ZNF596: variants seen among roughly 807,000 people sequenced by gnomAD.
The protein encoded by ZNF596 is zinc finger protein 596.
In ZNF596, 45 loss-of-function variants were observed where a neutral mutation model predicts 48.3. That is an observed-to-expected ratio of 0.93 (90% confidence interval 0.73 to 1.19). ZNF596 has a LOEUF of 1.19. Ranked by LOEUF, ZNF596 falls within the 50% of genes most tolerant of loss-of-function variation. The pLI is 0.00. For synonymous variants in ZNF596, 270 were observed against 202.0 expected (o/e 1.34, Z -2.85); for missense variants, 848 against 599.7 (o/e 1.41, Z -4.32).
chr8:244,486 T>G, intron 4 of ZNF596, 133 bp from the exon 5 acceptor site: 3 of 680,788 alleles, frequency 4.4e-6, no homozygotes, highest in Non-Finnish European at 7.8e-6. Flanking sequence ...CTCTTCTCCT[T>G]AAAGTATGGT....
intron 1 of ZNF596, chr8:233,075 C>T (rs1796480493): frequency 2.2e-6 from 1 of 462,984 alleles, no homozygotes; most frequent in Non-Finnish European, 4.4e-6. Flanking sequence ...GAGGAGAAAA[C>T]AGAGGAGGGA....
Position 246,256 on chromosome 8 carries a change from C to T in ZNF596, c.1409C>T (p.Thr470Ile). 2 of 1,613,002 alleles carry T rather than the reference C, an allele frequency of 1.2e-6. No homozygotes were observed. Among genetic ancestry groups the T allele is most frequent in the Non-Finnish European group, 1.7e-6 (2 of 1,179,496 alleles). ...YNFRLHRRVHTGEKPYVCPLC... is the reference protein window; with the variant it reads ...YNFRLHRRVHIGEKPYVCPLC... ...TTTAGACTTCATAGAAGAGTTCACA[C>T]TGGAGAGAAACCATATGTATGTCCT... Residue 470 changes from threonine to isoleucine, a missense_variant, in exon 6 of 6, where the codon ACT (threonine) becomes ATT (isoleucine). Physicochemically the swap from Thr to Ile is moderately conservative, Grantham distance 89 (BLOSUM62 -1). Coordinates refer to ENST00000398612, the MANE Select transcript of ZNF596 (RefSeq NM_001042416.3).
chr8:238,171 G>A (rs1318630877), intron 1 of ZNF596, among the ~76,000 whole-genome samples: 3 of 152,126 alleles, frequency 2.0e-5, no homozygotes, highest in African/African-American at 4.8e-5. Context: ...TGTCTGCAGC[G>A]TGACTCCCAT....
chr8:244,666 A>G lies in ZNF596; in HGVS notation c.271A>G (p.Ile91Val), dbSNP rs767004997. 9.3e-6 allele frequency: 15 copies of G among 1,613,498 alleles called. No homozygotes were observed. The Admixed American group carries it at 2.2e-4, about 23-fold the overall frequency. The part of the protein sequence containing the change: ...KHQEIPFIQH[I>V]YQKGTSTIST... ...TCAAGAGATACCATTCATTCAACATATCTATCAGAAGGGCACGTCCACCAT... is the reference window on the plus strand; with the variant it reads ...TCAAGAGATACCATTCATTCAACATGTCTATCAGAAGGGCACGTCCACCAT... The change falls in exon 5 of 6, where the codon ATC (isoleucine) becomes GTC (valine). Residue 91 changes from isoleucine (I) to valine (V), a missense_variant. By Grantham distance (29) the Ile-to-Val change is conservative. Transcript: ENST00000398612.
chr8:242,556 G>A (rs1796896668), intron 2 of ZNF596, among the ~76,000 whole-genome samples: 1 of 152,134 alleles, frequency 6.6e-6, no homozygotes, highest in African/African-American at 2.4e-5. Flanking sequence ...TCTTGAAGGT[G>A]GTGGAGAGGA....
chr8:239,290 G>C (rs1796752516), intron 1 of ZNF596, among the ~76,000 whole-genome samples: 2 of 152,138 alleles, frequency 1.3e-5, no homozygotes, highest in African/African-American at 4.8e-5. Flanking sequence ...CCAGGTTCAA[G>C]CGATTCTCAT....
intron 5 of ZNF596, 65 bp from the exon 6 acceptor site, chr8:245,089 T>C (rs1181359040): frequency 6.0e-6 from 9 of 1,494,646 alleles, no homozygotes; most frequent in East Asian, 2.3e-5. Flanking sequence ...TGTAGAGAAA[T>C]GAATGAAGTA....
rs1797035504 is a variant in ZNF596 at position 245,546 on chromosome 8, T to C, written c.699T>C (p.Thr233=). 6.2e-7 allele frequency: 1 copy of C among 1,614,100 alleles called. No homozygotes were observed. The part of the protein sequence containing the change: ...HGCHLCGKAF[T]HCSDLRKHER... ...GTCATCTATGTGGGAAAGCCTTTAC[T>C]CATTGCTCTGATCTTCGAAAACATG... Residue 233 remains threonine, a synonymous_variant, in exon 6 of 6, where the codon ACT becomes ACC. Transcript: ENST00000398612.
chr8:239,931 A>G (rs1172841259), intron 1 of ZNF596, among the ~76,000 whole-genome samples: 1 of 152,190 alleles, frequency 6.6e-6, no homozygotes, highest in Non-Finnish European at 1.5e-5. Flanking sequence ...TCATTAGAAC[A>G]GAAGACACTC....
At chr8:244,957 G>C (rs1459812454) in intron 5 of ZNF596, among the ~76,000 whole-genome samples, 197 bp from the exon 6 acceptor site, 1 of 152,232 alleles carries the variant, frequency 6.6e-6, no homozygotes, top group Non-Finnish European at 1.5e-5. Flanking sequence ...TAGCTCTTCA[G>C]TTGGGATGCT....
chr8:245,802 T>A lies in ZNF596; in HGVS notation c.955T>A (p.Cys319Ser), dbSNP rs1164483462. 1 of 1,614,056 alleles carries A rather than the reference T, an allele frequency of 6.2e-7. No individual in the cohort carries two copies. The highest frequency in any genetic ancestry group is 8.5e-7 in the Non-Finnish European group (1 of 1,179,990). ...CCTATGTGGGAAGGCTTTCAGTAAA[T>A]GTTCTTACCTTAGACAACATGAAAG... ...CLLCGKAFSK[C>S]SYLRQHERTH... Residue 319 changes from cysteine to serine, a missense_variant, in exon 6 of 6, where the codon TGT becomes AGT. By Grantham distance (112) the Cys-to-Ser change is moderately radical. Coordinates refer to ENST00000398612, the MANE Select transcript of ZNF596 (RefSeq NM_001042416.3).
At chr8:237,017 T>G (rs997252200) in intron 1 of ZNF596, 5 of 152,250 alleles carry the variant, frequency 3.3e-5, no homozygotes, top group African/African-American at 1.2e-4. Context: ...ACTTTTACAG[T>G]TAAACTCTGA....
chr8:239,194 C>T (rs112784415), intron 1 of ZNF596, among the ~76,000 whole-genome samples: 5 of 152,184 alleles, frequency 3.3e-5, no homozygotes, highest in Middle Eastern at 3.4e-3. Context: ...AACTCCTCCC[C>T]GCCCCCACTG....
chr8:234,203 C>G (rs1328290103), intron 1 of ZNF596: 1 of 152,324 alleles, frequency 6.6e-6, no homozygotes, highest in African/African-American at 2.4e-5. Flanking sequence ...TGACACTGTG[C>G]TCAGCAGGTA....
chr8:239,144 AG>A (rs1035072867), intron 1 of ZNF596, among the ~76,000 whole-genome samples: 11 of 152,294 alleles, frequency 7.2e-5, no homozygotes, highest in African/African-American at 2.6e-4. Context: ...TTAAAAGTGA[AG>A]AAACTGTCTG....
Position 246,166 on chromosome 8 carries a change from C to T in ZNF596, c.1319C>T (p.Thr440Ile), listed in dbSNP as rs755706426. 3 of 1,614,018 alleles carry T rather than the reference C, an allele frequency of 1.9e-6. No homozygotes were observed. The Admixed American group carries it at 5.0e-5, about 27-fold the overall frequency. Residue 440 changes from threonine (T) to isoleucine (I), a missense_variant, in exon 6 of 6, where the codon ACT becomes ATT. Coordinates refer to ENST00000398612, the MANE Select transcript of ZNF596 (RefSeq NM_001042416.3). Reference sequence around the variant, plus strand: ...TCTGTCCTTAGACGACATGAGAGAACTCACACTGGAGAGAAACCATATGAA... The same window carrying T: ...TCTGTCCTTAGACGACATGAGAGAATTCACACTGGAGAGAAACCATATGAA... ...HSSVLRRHER[T>I]HTGEKPYECN...
intron 1 of ZNF596, chr8:232,931 T>G: frequency 2.1e-6 from 1 of 469,078 alleles, no homozygotes; most frequent in South Asian, 1.5e-5. Flanking sequence ...ACCCTCGTGC[T>G]TCTGCACAAT....
At chr8:233,786 A>C (rs1190157265) in intron 1 of ZNF596, 1 of 152,284 alleles carries the variant, frequency 6.6e-6, no homozygotes, top group Non-Finnish European at 1.5e-5. Flanking sequence ...GTTCTGGAGA[A>C]GACAAATGCT....
chr8:242,795 C>G (rs963051740), intron 2 of ZNF596, 92 bp from the exon 3 acceptor site: 1 of 1,245,670 alleles, frequency 8.0e-7, no homozygotes, highest in Non-Finnish European at 1.0e-6. Context: ...TTCATACCAC[C>G]CACACTTCCT....
Sources: allele counts gnomAD v4.1 joint callset (sites outside exome capture counted in the v4.1 genomes callset), GRCh38; gene constraint gnomAD v4.1.1; transcripts MANE v1.5; gene names NCBI Gene and HGNC (gene_info 2026-07-23, HGNC 2026-07-21).